Variants in HIVEP1 observed in about 807,000 individuals in gnomAD.
HIVEP1 encodes the protein zinc finger protein 40.
HIVEP1 carries 36 observed loss-of-function variants against 180.0 expected under a neutral mutation model. That is an observed-to-expected ratio of 0.20 (90% confidence interval 0.15 to 0.26). HIVEP1 has a LOEUF of 0.26. HIVEP1 is among the 10% of genes least tolerant of loss of function. HIVEP1 has a pLI of 1.00. For synonymous variants in HIVEP1, 1,239 were observed against 1,239.0 expected, an observed-to-expected ratio of 1.00 and a Z score of 0.00; for missense variants, 3,143 against 3,268.7, an observed-to-expected ratio of 0.96 and a Z score of 0.94.
In HIVEP1 at chr6:12,121,264, A is replaced by T; in HGVS notation, c.1469A>T (p.Glu490Val). ...PKALSIHSDV[E>V]DSGESEEEGA... ...GCACTTAGTATTCATTCAGACGTAG[A>T]AGACAGTGGGGAGAGCGAGGAGGAA... The change falls in exon 4 of 9, where the codon GAA (glutamate) becomes GTA (valine). Residue 490 changes from glutamate to valine, a missense_variant. Glu to Val is a moderately radical substitution (Grantham distance 121, BLOSUM62 -2). This residue lies in a region of HIVEP1 where 365 missense variants were observed against 344.4 expected (regional missense o/e 1.06). Transcript: ENST00000379388. This position sits in a 1 kb window ranked among gnomAD's most constrained non-coding sequence, Gnocchi z 5.3. 6.2e-7 allele frequency: 1 copy of T among 1,614,126 alleles called. No homozygotes were observed. The highest frequency in any genetic ancestry group is 8.5e-7 in the Non-Finnish European group (1 of 1,180,018).
At chr6:12,135,461 C>T (rs1758650444) in intron 6 of HIVEP1, among the ~76,000 whole-genome samples, 1 of 152,150 alleles carries the variant, frequency 6.6e-6, no homozygotes, top group Non-Finnish European at 1.5e-5. Context: ...CCAAGAACTA[C>T]AGATCATAGT....
intron 2 of HIVEP1, among the ~76,000 whole-genome samples, chr6:12,018,587 G>C (rs1767991833): frequency 6.6e-6 from 1 of 152,258 alleles, no homozygotes; most frequent in African/African-American, 2.4e-5. Context: ...AGATTCCACA[G>C]AGATAGGGAG....
the HIVEP1 span, among the ~76,000 whole-genome samples, chr6:12,177,592 CTCAT>C: frequency 6.6e-6 from 1 of 152,066 alleles, no homozygotes; most frequent in Non-Finnish European, 1.5e-5. Context: ...TCAAAGTTCT[CTCAT>C]TATTATTATT....
At chr6:12,048,654 C>G (rs757132890) in intron 2 of HIVEP1, among the ~76,000 whole-genome samples, 11 of 152,144 alleles carry the variant, frequency 7.2e-5, no homozygotes, top group Non-Finnish European at 1.3e-4. Context: ...TTTAAAAATA[C>G]CTTTCCAGTT....
At chr6:12,162,317 T>C (rs1760460683) in intron 8 of HIVEP1, among the ~76,000 whole-genome samples, 1 of 152,022 alleles carries the variant, frequency 6.6e-6, no homozygotes, top group Non-Finnish European at 1.5e-5. Context: ...GGTGCTGATG[T>C]GATGATGGAT....
At chr6:12,200,913 C>T in the HIVEP1 span, among the ~76,000 whole-genome samples, 2 of 152,102 alleles carry the variant, frequency 1.3e-5, no homozygotes, top group Non-Finnish European at 2.9e-5. Flanking sequence ...CATTTTTGGC[C>T]TTATGTAATC....
At chr6:12,157,684 TTG>T (rs1760138820) in intron 7 of HIVEP1, among the ~76,000 whole-genome samples, 1 of 152,012 alleles carries the variant, frequency 6.6e-6, no homozygotes, top group Non-Finnish European at 1.5e-5. Context: ...AGAAAAAAAA[TTG>T]TGTCCCCATT....
At chr6:12,139,337 C>G (rs749961451) in intron 7 of HIVEP1, among the ~76,000 whole-genome samples, 2 of 152,196 alleles carry the variant, frequency 1.3e-5, no homozygotes, top group African/African-American at 2.4e-5. Flanking sequence ...CTCCTTTCCT[C>G]TGTTAAGAAT....
intron 2 of HIVEP1, among the ~76,000 whole-genome samples, chr6:12,047,446 G>A (rs1055253812): frequency 1.3e-5 from 2 of 152,230 alleles, no homozygotes; most frequent in Non-Finnish European, 2.9e-5. Context: ...ATAACTGGGC[G>A]AAGGGAGGAA....
chr6:12,017,490 CACA>C (rs753034778), intron 2 of HIVEP1, among the ~76,000 whole-genome samples: 17 of 152,358 alleles, frequency 1.1e-4, no homozygotes, highest in Non-Finnish European at 2.2e-4. Context: ...TTGCAAAGAG[CACA>C]ACAACAAAGC....
Position 12,135,798 on chromosome 6 carries a change from G to T in HIVEP1, c.6393G>T (p.Leu2131=). The stretch of plus-strand genomic sequence containing the variant: ...ACATTCTTTTCCCTTAAGGAAATCT[G>T]ACAAAACACATGAAGTCCAAGGCAC... The part of the protein sequence containing the change: ...CNFSFKTKGN[L]TKHMKSKAHS... The change falls in exon 7 of 9, where the codon CTG becomes CTT. Residue 2131 remains leucine, a synonymous_variant. Coordinates refer to ENST00000379388, the MANE Select transcript of HIVEP1 (RefSeq NM_002114.4). The T allele has an allele frequency of 6.2e-7, 1 of 1,607,780 alleles. No homozygotes were observed. Among genetic ancestry groups the T allele is most frequent in the South Asian group, 1.1e-5 (1 of 90,684 alleles).
Position 12,130,001 on chromosome 6 carries a change from G to A in HIVEP1, c.6209+109G>A, listed in dbSNP as rs1758331009. 3 of 709,162 alleles carry A rather than the reference G, an allele frequency of 4.2e-6. No homozygotes were observed. In the East Asian group the frequency reaches 7.8e-5, roughly 18 times the overall value. The allele number at this position is 709,162 out of a possible 1,614,324, so 43.9% of individuals were successfully genotyped here. A position where few individuals can be genotyped will look rare whatever the true frequency, so the allele number is the denominator to read the frequency against. On this transcript the variant is annotated intron_variant, in intron 5 of 8. Coordinates refer to ENST00000379388, the MANE Select transcript of HIVEP1 (RefSeq NM_002114.4). The stretch of plus-strand genomic sequence containing the variant: ...TGCCAATTTAGTATCGATGTTGCAA[G>A]GTTTCTCAGCATATTAACAGAATCT...
chr6:12,085,010 C>T (rs929934676), intron 2 of HIVEP1, among the ~76,000 whole-genome samples: 17 of 152,100 alleles, frequency 1.1e-4, no homozygotes, highest in Admixed American at 8.5e-4. Flanking sequence ...AGTGAAACCA[C>T]GCAGTGCCAG....
At chr6:12,145,805 A>G (rs956518825) in intron 7 of HIVEP1, among the ~76,000 whole-genome samples, 2 of 152,138 alleles carry the variant, frequency 1.3e-5, no homozygotes, top group African/African-American at 4.8e-5. Flanking sequence ...ATAAGGGCAA[A>G]GATGATGTTT....
In HIVEP1 at chr6:12,063,435, T is replaced by C. The variant is rs955217747; in HGVS notation, c.41-25749T>C. On this transcript the variant is annotated intron_variant, in intron 2 of 8. Transcript: ENST00000379388. This position sits in a 1 kb window ranked among gnomAD's most constrained non-coding sequence, Gnocchi z 4.2. ...AACCTAAAAACCACTAGTGGAGTTA[T>C]ATGGCATTAAACAAGATTGGGATGA... 2.6e-5 allele frequency among the ~76,000 whole-genome samples: 4 copies of C among 152,150 alleles called. No homozygotes were observed. Among genetic ancestry groups the C allele is most frequent in the African/African-American group, 7.2e-5 (3 of 41,440 alleles).
downstream of HIVEP1, among the ~76,000 whole-genome samples, chr6:12,168,326 A>ACATATATAATATACAT (rs1562024989): frequency 1.5e-5 from 2 of 132,736 alleles, no homozygotes; most frequent in Admixed American, 1.9e-4. Flanking sequence ...ATACATATAT[A>ACATATATAATATACAT]TTATATAATT....
the HIVEP1 span, among the ~76,000 whole-genome samples, chr6:12,204,674 C>T: frequency 1.5e-3 from 231 of 152,288 alleles, no homozygotes; most frequent in Middle Eastern, 3.4e-3. Flanking sequence ...CTTACCCATT[C>T]ACAACTATTT....
downstream of HIVEP1, among the ~76,000 whole-genome samples, chr6:12,168,400 T>TATATATACATGTATA: frequency 2.3e-5 from 3 of 131,580 alleles, no homozygotes; most frequent in Non-Finnish European, 3.3e-5. Context: ...ATATAATATT[T>TATATATACATGTATA]TATATAATAT....
At chr6:12,100,030 G>T (rs1774020327) in intron 3 of HIVEP1, among the ~76,000 whole-genome samples, 1 of 152,176 alleles carries the variant, frequency 6.6e-6, no homozygotes, top group African/African-American at 2.4e-5. Flanking sequence ...ACTACTCTCA[G>T]TGTAGTTATT....
Sources: allele counts gnomAD v4.1 joint callset (sites outside exome capture counted in the v4.1 genomes callset), GRCh38; gene constraint gnomAD v4.1.1; regional missense constraint gnomAD v4.1.1; non-coding constraint Gnocchi (gnomAD v3.1); transcripts MANE v1.5; gene names NCBI Gene and HGNC (gene_info 2026-07-23, HGNC 2026-07-21).